Variants in ABCA13 observed in about 807,000 individuals in gnomAD.
The protein encoded by ABCA13 is ATP-binding cassette sub-family A member 13.
In ABCA13, 476 loss-of-function variants were observed where a neutral mutation model predicts 478.7. The ratio of observed to expected loss-of-function variants is 0.99; its 90% CI spans 0.92 to 1.07. The LOEUF (loss-of-function observed/expected upper bound fraction) is 1.07, where lower values mean the gene tolerates loss of function less well. Ranked by LOEUF, ABCA13 falls within the 50% of genes least tolerant of loss-of-function variation. The pLI, the probability that ABCA13 is intolerant of heterozygous loss-of-function variation, is 0.00. For synonymous variants in ABCA13, 2,252 were observed against 2,158.9 expected (o/e 1.04, Z -1.20); for missense variants, 6,060 against 5,910.6 (o/e 1.03, Z -0.83).
intron 48 of ABCA13, among the ~76,000 whole-genome samples, chr7:48,499,063 G>A (rs975318774): frequency 6.6e-6 from 1 of 152,062 alleles, no homozygotes; most frequent in Non-Finnish European, 1.5e-5. Context: ...AGGATTATAA[G>A]TTATTTTAAT....
intron 31 of ABCA13, among the ~76,000 whole-genome samples, chr7:48,353,978 C>T (rs1272174589): frequency 6.6e-6 from 1 of 151,986 alleles, no homozygotes; most frequent in Non-Finnish European, 1.5e-5. Context: ...CTGTGATTTT[C>T]TGCTCCTAAA....
intron 16 of ABCA13, among the ~76,000 whole-genome samples, chr7:48,269,664 G>A (rs112023741): frequency 2.0e-5 from 3 of 152,164 alleles, no homozygotes; most frequent in African/African-American, 4.8e-5. Flanking sequence ...GAGCAGTAAC[G>A]CTCAAACTTG....
intron 60 of ABCA13, 71 bp downstream of exon 60, chr7:48,643,464 T>C: frequency 7.4e-7 from 1 of 1,350,334 alleles, no homozygotes; most frequent in Non-Finnish European, 1.1e-6. Context: ...CTGTCTTTTT[T>C]TGTTTTTATT....
rs542811786 is a variant in ABCA13, at chr7:48,190,622, C to T, written c.70-2337C>T. On this transcript the variant is annotated intron_variant, in intron 1 of 61. Coordinates refer to ENST00000435803, the MANE Select transcript of ABCA13 (RefSeq NM_152701.5). ...ACTTTAATTGATAAAAGAAAAACAACCTCATGATATCACTGGCCCCAAATA... is the reference window on the plus strand; with the variant it reads ...ACTTTAATTGATAAAAGAAAAACAATCTCATGATATCACTGGCCCCAAATA... Among the ~76,000 whole-genome samples the T allele has an allele frequency of 7.9e-5, 12 of 152,182 alleles. No individual in the cohort carries two copies. In the South Asian group the frequency reaches 2.5e-3, roughly 32 times the overall value.
intron 29 of ABCA13, among the ~76,000 whole-genome samples, chr7:48,346,880 G>A (rs1563093770): frequency 6.6e-6 from 1 of 152,210 alleles, no homozygotes; most frequent in Non-Finnish European, 1.5e-5. Flanking sequence ...TGCACTCCTG[G>A]AGCAGTGACA....
At chr7:48,185,322 C>T (rs558728792) in intron 1 of ABCA13, among the ~76,000 whole-genome samples, 1 of 152,270 alleles carries the variant, frequency 6.6e-6, no homozygotes, top group East Asian at 1.9e-4. Context: ...TTACAGAAAG[C>T]TTTGTTATAT....
In ABCA13 at chr7:48,586,871, C is replaced by A. The variant is rs186664416; in HGVS notation, c.14506-283C>A. Reference sequence around the variant, plus strand: ...ACCTCAACATGCTTATTTATCTGGACCCCCAACCTTGAGTGTGTTTCTTGC... The same window carrying A: ...ACCTCAACATGCTTATTTATCTGGAACCCCAACCTTGAGTGTGTTTCTTGC... On this transcript the variant is annotated intron_variant, in intron 56 of 61. Coordinates refer to ENST00000435803, the MANE Select transcript of ABCA13 (RefSeq NM_152701.5). Among the ~76,000 whole-genome samples, 5 of 152,244 alleles carry A rather than the reference C, an allele frequency of 3.3e-5. No homozygotes were observed. The East Asian group carries it at 7.7e-4, about 24-fold the overall frequency.
intron 56 of ABCA13, among the ~76,000 whole-genome samples, chr7:48,586,101 G>A (rs1789152955): frequency 6.6e-6 from 1 of 152,128 alleles, no homozygotes; most frequent in South Asian, 2.1e-4. Flanking sequence ...TCTAGGATGT[G>A]GGACAAGCTG....
intron 38 of ABCA13, among the ~76,000 whole-genome samples, chr7:48,402,889 A>G (rs1191072522): frequency 6.6e-6 from 1 of 152,352 alleles, no homozygotes. Flanking sequence ...TGAGTGGTCA[A>G]GGGAAGGTTT....
intron 42 of ABCA13, among the ~76,000 whole-genome samples, chr7:48,443,831 C>A (rs1392104443): frequency 6.6e-6 from 1 of 152,122 alleles, no homozygotes; most frequent in Non-Finnish European, 1.5e-5. Context: ...GTGAATAAAT[C>A]CATCCACCTC....
intron 39 of ABCA13, among the ~76,000 whole-genome samples, chr7:48,405,386 G>A (rs778323646): frequency 1.3e-5 from 2 of 152,126 alleles, no homozygotes; most frequent in South Asian, 2.1e-4. Context: ...CCAAAGATTC[G>A]AACCCTTCCC....
At chr7:48,294,586 A>G (rs1005121259) in intron 20 of ABCA13, among the ~76,000 whole-genome samples, 8 of 151,300 alleles carry the variant, frequency 5.3e-5, no homozygotes, top group Non-Finnish European at 1.2e-4. Flanking sequence ...AGCTGGGACT[A>G]CAGGCGCCCG....
At chr7:48,573,296 A>G (rs1216308245) in intron 55 of ABCA13, among the ~76,000 whole-genome samples, 2 of 151,834 alleles carry the variant, frequency 1.3e-5, no homozygotes, top group African/African-American at 2.4e-5. Context: ...TAACTCCAAT[A>G]TCTATATCAC....
At chr7:48,450,071 T>A (rs181336201) in intron 42 of ABCA13, among the ~76,000 whole-genome samples, 3 of 152,344 alleles carry the variant, frequency 2.0e-5, no homozygotes, top group African/African-American at 4.8e-5. Context: ...GAAACCCTTC[T>A]TCAAATAGAT....
At chr7:48,206,770 T>C (rs1329789100) in intron 3 of ABCA13, among the ~76,000 whole-genome samples, 2 of 148,758 alleles carry the variant, frequency 1.3e-5, no homozygotes, top group African/African-American at 5.1e-5. Flanking sequence ...TCATCTAAAG[T>C]ATAAATCATT....
At chr7:48,588,913 G>T (rs1264792938) in intron 57 of ABCA13, among the ~76,000 whole-genome samples, 1 of 152,128 alleles carries the variant, frequency 6.6e-6, no homozygotes, top group Non-Finnish European at 1.5e-5. Context: ...CTCATAATGA[G>T]CATTGCATGA....
At chr7:48,561,634 A>AAT (rs1188627809) in intron 55 of ABCA13, among the ~76,000 whole-genome samples, 1 of 152,298 alleles carries the variant, frequency 6.6e-6, no homozygotes, top group South Asian at 2.1e-4. Context: ...TTTGGATATT[A>AAT]ATAGCTTATC....
Position 48,240,889 on chromosome 7 carries a change from G to A in ABCA13, c.1085G>A (p.Gly362Asp). The A allele has an allele frequency of 6.3e-7, 1 of 1,583,882 alleles. No homozygotes were observed. Among genetic ancestry groups the A allele is most frequent in the Middle Eastern group, 1.7e-4 (1 of 5,902 alleles). ...TAGGTGTTTGTTCAGTGGCAACAGG[G>A]TAGCCTGCTTCAGAAGACACTCACA... is the stretch of plus-strand genomic sequence containing the variant. ...YQQVFVQWQQ[G>D]SLLQKTLTGM... The change falls in exon 10 of 62, where the codon GGT becomes GAT. Residue 362 changes from glycine (G) to aspartate (D), a missense_variant. By Grantham distance (94) the Gly-to-Asp change is moderately conservative. Around this residue, in one of 3 missense-constraint regions of ABCA13, gnomAD observed 4,423 missense variants for 4,309.1 expected, o/e 1.03. Coordinates refer to ENST00000435803, the MANE Select transcript of ABCA13 (RefSeq NM_152701.5).
chr7:48,427,397 A>G (rs1228849999), intron 41 of ABCA13, among the ~76,000 whole-genome samples: 1 of 152,200 alleles, frequency 6.6e-6, no homozygotes, highest in Non-Finnish European at 1.5e-5. Context: ...TTATTGTCTG[A>G]TTCACCTCTG....
Sources: gnomAD v4.1 joint callset for allele counts (sites outside exome capture counted in the v4.1 genomes callset) on GRCh38, gnomAD v4.1.1 for gene constraint, gnomAD v4.1.1 regional missense constraint, MANE v1.5 for transcripts, NCBI Gene and HGNC (gene_info 2026-07-23, HGNC 2026-07-21) for gene names.